The following SGCZ variants were observed in gnomAD, a reference collection of about 807,000 sequenced individuals.
SGCZ encodes sarcoglycan zeta, also known as zeta-sarcoglycan.
Under a neutral mutation model 41.3 loss-of-function variants are expected in SGCZ, and 40 were observed. That is an observed-to-expected ratio of 0.97 (90% confidence interval 0.75 to 1.26). The LOEUF (loss-of-function observed/expected upper bound fraction) is 1.26. Ranked by LOEUF, SGCZ falls within the 50% of genes most tolerant of loss-of-function variation. The pLI is 0.00. For synonymous variants in SGCZ, 206 were observed against 137.5 expected, an observed-to-expected ratio of 1.50 and a Z score of -3.49; for missense variants, 552 against 369.8, an observed-to-expected ratio of 1.49 and a Z score of -4.04.
chr8:15,133,665 T>A (rs1808000124), intron 1 of SGCZ, among the ~76,000 whole-genome samples: 1 of 152,202 alleles, frequency 6.6e-6, no homozygotes, highest in Admixed American at 6.5e-5. Context: ...TTATGTTTAC[T>A]TATGAATAAT....
chr8:14,141,454 C>A (rs549374304), intron 5 of SGCZ, among the ~76,000 whole-genome samples: 1 of 152,290 alleles, frequency 6.6e-6, no homozygotes, highest in South Asian at 2.1e-4. Context: ...CTACAAAGAA[C>A]TTAAACAAAT....
chr8:14,100,609 A>G (rs1801989649), intron 7 of SGCZ, among the ~76,000 whole-genome samples: 3 of 138,264 alleles, frequency 2.2e-5, no homozygotes, highest in Admixed American at 1.4e-4. Context: ...ATTAATTTAT[A>G]TTAATATATT....
Position 14,513,219 on chromosome 8 carries a change from T to A in SGCZ, c.234+41513A>T, listed in dbSNP as rs182379405. On this transcript the variant is annotated intron_variant, in intron 2 of 7. Transcript: ENST00000382080. ...CACCACTCCCAGCTATTTTTCTTTG[T>A]AGAGACAGGGGTCTCCCTATGTTGC... Among the ~76,000 whole-genome samples, 1,191 of 151,886 alleles carry A rather than the reference T, an allele frequency of 7.8e-3. 13 individuals are homozygous for A. The highest frequency in any genetic ancestry group is 8.0e-3 in the Non-Finnish European group (546 of 67,910).
intron 1 of SGCZ, among the ~76,000 whole-genome samples, chr8:14,631,157 C>T (rs1258228707): frequency 1.3e-5 from 2 of 152,004 alleles, no homozygotes; most frequent in Admixed American, 6.6e-5. Flanking sequence ...TTGCGCCACT[C>T]GAATCTCCAA....
intron 2 of SGCZ, among the ~76,000 whole-genome samples, chr8:14,530,708 C>T (rs1803101376): frequency 6.6e-6 from 1 of 151,994 alleles, no homozygotes; most frequent in Admixed American, 6.6e-5. Flanking sequence ...ATATGCCTGG[C>T]ACAGTAGTGC....
intron 2 of SGCZ, among the ~76,000 whole-genome samples, chr8:14,473,122 T>C (rs13258231): frequency 0.21 from 31,211 of 152,096 alleles, 3,912 homozygotes; most frequent in Non-Finnish European, 0.29. Flanking sequence ...ATTAAAGAGG[T>C]AATTTAGAAT....
rs577264399 is a variant in SGCZ at position 14,666,585 on chromosome 8, A to G, written c.40-111659T>C. Among the ~76,000 whole-genome samples, 4 of 152,238 alleles carry G rather than the reference A, an allele frequency of 2.6e-5. No homozygotes were observed. The South Asian group carries it at 8.3e-4, about 32-fold the overall frequency. On this transcript the variant is annotated intron_variant, in intron 1 of 7. Transcript: ENST00000382080. ...CTGGCTTTTTTCTGTAGATAAACCA[A>G]AACATATTTATCAGTCTTTGGAACT...
At chr8:15,105,392 G>T (rs1226679061) in intron 1 of SGCZ, among the ~76,000 whole-genome samples, 1 of 152,128 alleles carries the variant, frequency 6.6e-6, no homozygotes, top group Non-Finnish European at 1.5e-5. Context: ...TTGACTCAAA[G>T]TTCCACAGGC....
chr8:15,168,058 C>T (rs1241263928), intron 1 of SGCZ, among the ~76,000 whole-genome samples: 3 of 152,114 alleles, frequency 2.0e-5, no homozygotes, highest in Non-Finnish European at 4.4e-5. Flanking sequence ...GGGTATGTCA[C>T]AAGACATCCT....
chr8:14,531,216 AC>A (rs1803120522), intron 2 of SGCZ, among the ~76,000 whole-genome samples: 1 of 151,352 alleles, frequency 6.6e-6, no homozygotes, highest in African/African-American at 2.4e-5. Flanking sequence ...CTATCAGCAT[AC>A]GTTTCCCCAT....
At chr8:14,856,122 A>T (rs1438258602) in intron 1 of SGCZ, among the ~76,000 whole-genome samples, 2 of 152,242 alleles carry the variant, frequency 1.3e-5, no homozygotes, top group Non-Finnish European at 2.9e-5. Flanking sequence ...AGGATTAAGG[A>T]TGGTGGCTAG....
intron 2 of SGCZ, among the ~76,000 whole-genome samples, chr8:14,435,719 T>G (rs897277894): frequency 6.6e-6 from 1 of 152,184 alleles, no homozygotes; most frequent in African/African-American, 2.4e-5. Flanking sequence ...AATCTCAAAG[T>G]AGACATTTGA....
chr8:14,928,693 T>C (rs1414727704), intron 1 of SGCZ, among the ~76,000 whole-genome samples: 1 of 152,192 alleles, frequency 6.6e-6, no homozygotes, highest in Non-Finnish European at 1.5e-5. Context: ...AACATAATTG[T>C]TATTCAAATT....
intron 1 of SGCZ, among the ~76,000 whole-genome samples, chr8:14,773,050 T>G (rs1352063506): frequency 6.6e-6 from 1 of 152,144 alleles, no homozygotes; most frequent in African/African-American, 2.4e-5. Flanking sequence ...ACCAACAGTG[T>G]AAAAGTGTTC....
chr8:14,619,281 G>A (rs1014213368), intron 1 of SGCZ, among the ~76,000 whole-genome samples: 4 of 152,012 alleles, frequency 2.6e-5, no homozygotes, highest in Non-Finnish European at 4.4e-5. Context: ...GTATTGATGG[G>A]ATGTATCTCA....
intron 2 of SGCZ, among the ~76,000 whole-genome samples, chr8:14,346,879 T>C (rs901564234): frequency 6.6e-6 from 1 of 152,112 alleles, no homozygotes; most frequent in African/African-American, 2.4e-5. Flanking sequence ...CGTTTCCTTT[T>C]TTTCTTTCCC....
intron 4 of SGCZ, among the ~76,000 whole-genome samples, chr8:14,179,563 C>T (rs974051317): frequency 6.6e-6 from 1 of 152,160 alleles, no homozygotes; most frequent in African/African-American, 2.4e-5. Context: ...TTAATGATAA[C>T]ATGCTAACCT....
At chr8:15,065,592 GCACC>G (rs1039121995) in intron 1 of SGCZ, among the ~76,000 whole-genome samples, 1 of 151,822 alleles carries the variant, frequency 6.6e-6, no homozygotes, top group Non-Finnish European at 1.5e-5. Flanking sequence ...GTACAGGGGT[GCACC>G]CAGCTAACGT....
chr8:14,861,624 G>C (rs1398797871), intron 1 of SGCZ, among the ~76,000 whole-genome samples: 1 of 152,010 alleles, frequency 6.6e-6, no homozygotes, highest in Non-Finnish European at 1.5e-5. Context: ...GACTACCTGA[G>C]AGAGATTCCG....
Sources: allele counts gnomAD v4.1 joint callset (sites outside exome capture counted in the v4.1 genomes callset), GRCh38; gene constraint gnomAD v4.1.1; transcripts MANE v1.5; gene names NCBI Gene and HGNC (gene_info 2026-07-23, HGNC 2026-07-21).